KCNIP4: variants seen among roughly 807,000 people sequenced by gnomAD.
The protein encoded by KCNIP4 is Kv channel-interacting protein 4.
Under a neutral mutation model 34.0 loss-of-function variants are expected in KCNIP4, and 12 were observed. That is an observed-to-expected ratio of 0.35 (90% CI 0.23 to 0.57). KCNIP4 has a LOEUF of 0.57. Ranked by LOEUF, KCNIP4 falls within the 20% of genes least tolerant of loss-of-function variation. The probability of loss-of-function intolerance (pLI) is 0.83; values close to 1 mark genes in which losing one functional copy is unlikely to be tolerated. For synonymous variants in KCNIP4, 124 were observed against 102.2 expected, an observed-to-expected ratio of 1.21 and a Z score of -1.29; for missense variants, 238 against 311.7, an observed-to-expected ratio of 0.76 and a Z score of 1.78.
intron 1 of KCNIP4, among the ~76,000 whole-genome samples, chr4:21,621,996 C>T (rs1416206256): frequency 6.6e-6 from 1 of 152,192 alleles, no homozygotes; most frequent in Non-Finnish European, 1.5e-5. Flanking sequence ...TGGCAACTGG[C>T]ACCTCAAATA....
At chr4:21,754,390 G>A (rs1162096069) in intron 1 of KCNIP4, among the ~76,000 whole-genome samples, 1 of 152,118 alleles carries the variant, frequency 6.6e-6, no homozygotes, top group African/African-American at 2.4e-5. Flanking sequence ...GTGTTTCAGG[G>A]CAGCCAACTT....
intron 1 of KCNIP4, among the ~76,000 whole-genome samples, chr4:21,065,816 G>T (rs1744331775): frequency 7.0e-6 from 1 of 143,252 alleles, no homozygotes; most frequent in South Asian, 2.2e-4. Flanking sequence ...CATGAATTAA[G>T]AATGTATTTT....
In KCNIP4 at chr4:21,610,278, G is replaced by A. The variant is rs1399049971; in HGVS notation, c.61+338293C>T. 3.9e-5 allele frequency among the ~76,000 whole-genome samples: 6 copies of A among 152,216 alleles called. No individual in the cohort carries two copies. In the East Asian group the frequency reaches 1.2e-3, roughly 29 times the overall value. On this transcript the variant is annotated intron_variant, in intron 1 of 8. Coordinates refer to ENST00000382152, the MANE Select transcript of KCNIP4 (RefSeq NM_025221.6). Reference sequence around the variant, plus strand: ...GTCAGTGGGGTAGGTTACTTCTGCAGACTATGAGGAATGATCTATTCTAGA... The same window carrying A: ...GTCAGTGGGGTAGGTTACTTCTGCAAACTATGAGGAATGATCTATTCTAGA...
At chr4:20,817,821 G>A (rs1256941031) in intron 3 of KCNIP4, among the ~76,000 whole-genome samples, 1 of 151,942 alleles carries the variant, frequency 6.6e-6, no homozygotes, top group Non-Finnish European at 1.5e-5. Context: ...TATTTTCTTT[G>A]AAAAGTTATT....
intron 1 of KCNIP4, among the ~76,000 whole-genome samples, chr4:21,174,682 C>T (rs573339203): frequency 6.6e-6 from 1 of 152,066 alleles, no homozygotes; most frequent in Non-Finnish European, 1.5e-5. Context: ...GGCAGATCAC[C>T]TGGGGTCAGG....
chr4:21,222,010 C>T (rs1222413778), intron 1 of KCNIP4, among the ~76,000 whole-genome samples: 1 of 152,116 alleles, frequency 6.6e-6, no homozygotes, highest in African/African-American at 2.4e-5. Context: ...TCAGATCAAA[C>T]GTTGATGAAA....
chr4:21,622,834 G>A (rs1745081481), intron 1 of KCNIP4, among the ~76,000 whole-genome samples: 1 of 152,102 alleles, frequency 6.6e-6, no homozygotes, highest in African/African-American at 2.4e-5. Context: ...TGAATTGTCA[G>A]GGCAGGTTAT....
At chr4:21,307,592 C>T (rs1202218255) in intron 1 of KCNIP4, among the ~76,000 whole-genome samples, 1 of 152,096 alleles carries the variant, frequency 6.6e-6, no homozygotes, top group Admixed American at 6.6e-5. Flanking sequence ...ATCCTCAATC[C>T]CAGAATGGTG....
chr4:20,996,848 G>C (rs1053109453), intron 1 of KCNIP4, among the ~76,000 whole-genome samples: 1 of 143,964 alleles, frequency 6.9e-6, no homozygotes, highest in African/African-American at 2.6e-5. Flanking sequence ...GCCCTTTACC[G>C]ACCTCATTCA....
chr4:21,495,125 C>A (rs1732752010), intron 1 of KCNIP4, among the ~76,000 whole-genome samples: 1 of 152,184 alleles, frequency 6.6e-6, no homozygotes, highest in Admixed American at 6.5e-5. Context: ...TCCTTCTTTG[C>A]TGCTCTGTGA....
intron 1 of KCNIP4, among the ~76,000 whole-genome samples, chr4:21,525,317 G>T (rs1167804519): frequency 1.3e-5 from 2 of 152,060 alleles, no homozygotes; most frequent in Non-Finnish European, 2.9e-5. Flanking sequence ...TTTTTTAAAT[G>T]CTTAGTATTA....
chr4:21,535,404 G>T (rs1737070329), intron 1 of KCNIP4, among the ~76,000 whole-genome samples: 1 of 152,110 alleles, frequency 6.6e-6, no homozygotes, highest in Non-Finnish European at 1.5e-5. Context: ...ACTGGCTGAG[G>T]ATACTTCCCG....
chr4:21,046,474 A>G (rs1482593520), intron 1 of KCNIP4, among the ~76,000 whole-genome samples: 3 of 152,194 alleles, frequency 2.0e-5, no homozygotes, highest in African/African-American at 7.2e-5. Context: ...AGTCAGAGTG[A>G]TAAATAGAGT....
intron 1 of KCNIP4, among the ~76,000 whole-genome samples, chr4:21,094,598 T>C (rs1747303478): frequency 6.6e-6 from 1 of 152,160 alleles, no homozygotes; most frequent in Middle Eastern, 3.2e-3. Flanking sequence ...ATCACATCCT[T>C]GTGGGAGGGG....
At chr4:21,307,102 G>A (rs975861151) in intron 1 of KCNIP4, among the ~76,000 whole-genome samples, 4 of 152,152 alleles carry the variant, frequency 2.6e-5, no homozygotes, top group African/African-American at 4.8e-5. Context: ...GATTACAGGC[G>A]TGAGCAACTG....
At position 20,729,073 on chromosome 4, in the gene KCNIP4, C is replaced by CTGTT. The variant is rs754077095; in HGVS notation, c.*1005_*1008dup. 1.3e-4 allele frequency: 19 copies of CTGTT among 148,936 alleles called. No homozygotes were observed. Among genetic ancestry groups the CTGTT allele is most frequent in the East Asian group, 5.8e-4 (3 of 5,146 alleles). 9.2% of individuals were successfully genotyped at this position (148,936 alleles called of 1,614,324 possible). A position where few individuals can be genotyped will look rare whatever the true frequency, so the allele number is the denominator to read the frequency against. On this transcript the variant is annotated 3_prime_UTR_variant, in exon 9 of 9. Coordinates refer to ENST00000382152, the MANE Select transcript of KCNIP4 (RefSeq NM_025221.6). Reference sequence around the variant, plus strand: ...GAATTTTGCTTGCTAATTTTGCTTGCTGTTTGTTCTTAGTAGACAGTGGGG... The same window carrying CTGTT: ...GAATTTTGCTTGCTAATTTTGCTTGCTGTTTGTTTGTTCTTAGTAGACAGTGGGG...
chr4:21,858,381 T>G (rs1181172247), intron 1 of KCNIP4, among the ~76,000 whole-genome samples: 2 of 152,244 alleles, frequency 1.3e-5, no homozygotes, highest in African/African-American at 4.8e-5. Flanking sequence ...AATTTCTTGA[T>G]AGCTCTAAGA....
intron 3 of KCNIP4, among the ~76,000 whole-genome samples, chr4:20,780,323 A>G (rs143406987): frequency 1.1e-3 from 171 of 152,294 alleles, no homozygotes; most frequent in African/African-American, 3.8e-3. Context: ...GAAAAGTGGA[A>G]TGGAAAAGAA....
chr4:21,367,385 T>C (rs1719892048), intron 1 of KCNIP4, among the ~76,000 whole-genome samples: 1 of 152,200 alleles, frequency 6.6e-6, no homozygotes, highest in Admixed American at 6.5e-5. Flanking sequence ...TCTTGTTGTA[T>C]GCTGCTTCCT....
Sources: gnomAD v4.1 joint callset for allele counts (sites outside exome capture counted in the v4.1 genomes callset) on GRCh38, gnomAD v4.1.1 for gene constraint, MANE v1.5 for transcripts, NCBI Gene and HGNC (gene_info 2026-07-23, HGNC 2026-07-21) for gene names.